Variants in HOXB3 observed in about 807,000 individuals in gnomAD.
HOXB3 encodes the protein homeobox B3, also known as homeobox protein Hox-B3.
A neutral mutation model predicts 29.2 loss-of-function variants in HOXB3; 17 were observed. The ratio of observed to expected loss-of-function variants is 0.58; its 90% CI spans 0.40 to 0.87. HOXB3 has a LOEUF of 0.87. Among genes scored for constraint, HOXB3 ranks in the 40% least tolerant of loss-of-function variants. The pLI is 0.00. For synonymous variants in HOXB3, 317 were observed against 285.9 expected, an observed-to-expected ratio of 1.11 and a Z score of -1.10; for missense variants, 637 against 616.3, an observed-to-expected ratio of 1.03 and a Z score of -0.35.
At chr17:48,571,435 G>A (rs939970665) in intron 2 of HOXB3, among the ~76,000 whole-genome samples, 1 of 152,212 alleles carries the variant, frequency 6.6e-6, no homozygotes, top group African/African-American at 2.4e-5. Flanking sequence ...GGGGAGGGCC[G>A]AGGGAACTGG....
At chr17:48,573,436 A>G (rs953117574) in intron 2 of HOXB3, among the ~76,000 whole-genome samples, 1 of 152,174 alleles carries the variant, frequency 6.6e-6, no homozygotes, top group Non-Finnish European at 1.5e-5. Context: ...GTAGACAAGC[A>G]GAGTCACAGG....
At position 48,576,925 on chromosome 17, in the gene HOXB3, G is replaced by A; in HGVS notation, c.-424-2911C>T. On this transcript the variant is annotated intron_variant, in intron 1 of 4. Coordinates refer to ENST00000498678, the MANE Select transcript of HOXB3 (RefSeq NM_001384749.1). ...ACCCTCCGGCGCCGTGTCAGGTAGC[G>A]GTTGTAGTGAAATTCCTTCTCCAGC... 1 of 1,614,242 alleles carries A rather than the reference G, an allele frequency of 6.2e-7. No individual in the cohort carries two copies. The highest frequency in any genetic ancestry group is 2.2e-5 in the East Asian group (1 of 44,886).
At position 48,554,934 on chromosome 17, in the gene HOXB3, G is replaced by A; in HGVS notation, c.-159+597C>T. On this transcript the variant is annotated intron_variant, in intron 3 of 4. Coordinates refer to ENST00000498678, the MANE Select transcript of HOXB3 (RefSeq NM_001384749.1). The surrounding 1 kb of genome is among the most constrained non-coding windows in gnomAD (Gnocchi z 4.1). ...AGGGGGTGGGGAACAACTCTACCAA[G>A]CCAAACAGATCTATTTCCCTTGCCT... 3 of 635,994 alleles carry A rather than the reference G, an allele frequency of 4.7e-6. No homozygotes were observed. The highest frequency in any genetic ancestry group is 5.7e-6 in the Non-Finnish European group (2 of 349,766). 39.4% of individuals were successfully genotyped at this position (635,994 alleles called of 1,614,324 possible).
In HOXB3 at chr17:48,555,357, AGAGAGAGGGAGGGAGG is replaced by A. The variant is rs1483499217; in HGVS notation, c.-159+158_-159+173del. 3.9e-4 allele frequency: 170 copies of A among 439,838 alleles called. 1 individual carries two copies. The African/African-American group carries it at 6.0e-3, about 16-fold the overall frequency. 27.2% of individuals were successfully genotyped at this position (439,838 alleles called of 1,614,324 possible). A position where few individuals can be genotyped will look rare whatever the true frequency, so the allele number is the denominator to read the frequency against. On this transcript the variant is annotated intron_variant, in intron 3 of 4. Coordinates refer to ENST00000498678, the MANE Select transcript of HOXB3 (RefSeq NM_001384749.1). ...GAGGGAGAGAGAGAGAGAGAGAGAGAGAGAGAGGGAGGGAGGGAGGGAGGGAGGGAGGGAGAGAGAG... is the reference window on the plus strand; with the variant it reads ...GAGGGAGAGAGAGAGAGAGAGAGAGAGAGGGAGGGAGGGAGGGAGAGAGAG...
chr17:48,552,476 G>A lies in HOXB3; in HGVS notation c.-2C>T, dbSNP rs761484045. 3 of 1,561,402 alleles carry A rather than the reference G, an allele frequency of 1.9e-6. No homozygotes were observed. Among genetic ancestry groups the A allele is most frequent in the East Asian group, 2.3e-5 (1 of 44,358 alleles). ...GTCGTAGTAGGTGGCTTTCTGCATC[G>A]CTGGGTGAGGCCTGGGCAGTGGGTG... On this transcript the variant is annotated 5_prime_UTR_variant, in exon 4 of 5. Coordinates refer to ENST00000498678, the MANE Select transcript of HOXB3 (RefSeq NM_001384749.1).
intron 2 of HOXB3, among the ~76,000 whole-genome samples, chr17:48,558,209 C>A (rs1318031713): frequency 1.3e-5 from 2 of 152,108 alleles, no homozygotes; most frequent in African/African-American, 4.8e-5. Context: ...CCAGAAGGCA[C>A]CCAGGCAGCC....
intron 1 of HOXB3, among the ~76,000 whole-genome samples, chr17:48,585,327 A>G (rs1226496720): frequency 6.6e-6 from 1 of 152,150 alleles, no homozygotes; most frequent in African/African-American, 2.4e-5. Flanking sequence ...CGAGCAGTAG[A>G]ATGGGCTGAC....
chr17:48,558,257 C>G (rs1179634935), intron 2 of HOXB3, among the ~76,000 whole-genome samples: 1 of 152,114 alleles, frequency 6.6e-6, no homozygotes, highest in East Asian at 1.9e-4. Context: ...TGGAGCTGAG[C>G]TGGGAGTGGA....
At chr17:48,561,428 A>C (rs2069194802) in intron 2 of HOXB3, among the ~76,000 whole-genome samples, 1 of 152,232 alleles carries the variant, frequency 6.6e-6, no homozygotes, top group South Asian at 2.1e-4. Context: ...CAGAAAGAGG[A>C]ATAGTCCAGA....
At chr17:48,583,077 T>C (rs2069982030) in intron 1 of HOXB3, among the ~76,000 whole-genome samples, 1 of 152,144 alleles carries the variant, frequency 6.6e-6, no homozygotes, top group South Asian at 2.1e-4. Context: ...CCCCCAAGTG[T>C]CAGAGATATC....
chr17:48,561,769 G>A (rs2069206321), intron 2 of HOXB3, among the ~76,000 whole-genome samples: 1 of 152,240 alleles, frequency 6.6e-6, no homozygotes, highest in Admixed American at 6.5e-5. Flanking sequence ...CTGAATTTCA[G>A]ATGTTCCAGC....
At chr17:48,582,253 A>T (rs1349297015) in intron 1 of HOXB3, 3 of 152,254 alleles carry the variant, frequency 2.0e-5, no homozygotes, top group South Asian at 4.2e-4. Context: ...GGCGCGGAGG[A>T]GAGAAAGGCC....
intron 1 of HOXB3, chr17:48,578,442 T>A: frequency 7.8e-7 from 1 of 1,278,458 alleles, no homozygotes; most frequent in South Asian, 1.5e-5. Flanking sequence ...CACGTGATCC[T>A]CCGAGCCAAT....
At chr17:48,573,533 A>G (rs1429083243) in intron 2 of HOXB3, among the ~76,000 whole-genome samples, 2 of 152,148 alleles carry the variant, frequency 1.3e-5, no homozygotes, top group Non-Finnish European at 2.9e-5. Context: ...TTCCAAAACC[A>G]GAAAAGCGCT....
intron 1 of HOXB3, chr17:48,576,903 C>G (rs1158698189): frequency 6.2e-7 from 1 of 1,614,266 alleles, no homozygotes; most frequent in Non-Finnish European, 8.5e-7. Flanking sequence ...GATCTCCACC[C>G]TCCGGCGCCG....
intron 1 of HOXB3, among the ~76,000 whole-genome samples, chr17:48,583,295 C>G (rs998768832): frequency 1.3e-5 from 2 of 152,184 alleles, no homozygotes; most frequent in Admixed American, 6.6e-5. Flanking sequence ...CCCCCTCCCC[C>G]CGAAGAATCG....
intron 1 of HOXB3, chr17:48,579,720 G>A: frequency 3.8e-6 from 1 of 264,096 alleles, no homozygotes; most frequent in Non-Finnish European, 7.7e-6. Context: ...CCAGTTGAAG[G>A]AGGAAAAGAT....
At chr17:48,559,853 C>T (rs2069132732) in intron 2 of HOXB3, 1 of 152,266 alleles carries the variant, frequency 6.6e-6, no homozygotes, top group Non-Finnish European at 1.5e-5. Flanking sequence ...GCCCTCTCCC[C>T]AGCTGAGCCT....
intron 1 of HOXB3, among the ~76,000 whole-genome samples, chr17:48,586,289 C>G (rs2070044024): frequency 6.6e-6 from 1 of 152,224 alleles, no homozygotes; most frequent in African/African-American, 2.4e-5. Flanking sequence ...TGGGATCCGA[C>G]AGGTTCCCGA....
Sources: gnomAD v4.1 joint callset for allele counts (sites outside exome capture counted in the v4.1 genomes callset) on GRCh38, gnomAD v4.1.1 for gene constraint, Gnocchi (gnomAD v3.1) non-coding constraint, MANE v1.5 for transcripts, NCBI Gene and HGNC (gene_info 2026-07-23, HGNC 2026-07-21) for gene names.